Variants in ATP13A5 observed in about 807,000 individuals in gnomAD.
ATP13A5 encodes ATPase 13A5, also known as probable cation-transporting ATPase 13A5.
Under a neutral mutation model 150.2 loss-of-function variants are expected in ATP13A5, and 149 were observed. That is an observed-to-expected ratio of 0.99 (90% CI 0.87 to 1.14). The LOEUF is 1.14. Among genes scored for constraint, ATP13A5 ranks in the 50% most tolerant of loss-of-function variants. The pLI is 0.00. For synonymous variants in ATP13A5, 497 were observed against 522.2 expected, an observed-to-expected ratio of 0.95 and a Z score of 0.66; for missense variants, 1,383 against 1,449.3, an observed-to-expected ratio of 0.95 and a Z score of 0.74.
chr3:193,327,526 G>T (rs1719509296), intron 12 of ATP13A5, among the ~76,000 whole-genome samples: 1 of 152,114 alleles, frequency 6.6e-6, no homozygotes, highest in Non-Finnish European at 1.5e-5. Context: ...CACAGTGACT[G>T]TCCAGATTGA....
chr3:193,281,076 G>A (rs1452010193), intron 27 of ATP13A5: 28 of 441,734 alleles, frequency 6.3e-5, no homozygotes, highest in Non-Finnish European at 8.1e-5. Context: ...TGCTTGGGAA[G>A]GGTATGAGGC....
At chr3:193,286,861 T>C (rs367840990) in intron 26 of ATP13A5, among the ~76,000 whole-genome samples, 3 of 152,160 alleles carry the variant, frequency 2.0e-5, no homozygotes, top group African/African-American at 7.2e-5. Flanking sequence ...CTAGGCCTCT[T>C]GCACCAGTTA....
chr3:193,366,998 G>C lies in ATP13A5; in HGVS notation c.64-2718C>G, dbSNP rs553186867. ...TAAATATTAGGAAATCATTCGAACT[G>C]AATGAAAATGAAAATTGAGAAATAA... On this transcript the variant is annotated intron_variant, in intron 1 of 29. Transcript: ENST00000342358. Among the ~76,000 whole-genome samples, 213 of 152,072 alleles carry C rather than the reference G, an allele frequency of 1.4e-3. 1 individual carries two copies. The highest frequency in any genetic ancestry group is 5.0e-3 in the African/African-American group (207 of 41,540).
intron 1 of ATP13A5, among the ~76,000 whole-genome samples, chr3:193,375,650 G>A (rs35248077): frequency 0.27 from 40,492 of 152,054 alleles, 5,754 homozygotes; most frequent in Non-Finnish European, 0.32. Flanking sequence ...TTGCAGGGCT[G>A]TTGTAAAGTT....
intron 7 of ATP13A5, among the ~76,000 whole-genome samples, chr3:193,348,991 G>T (rs1485837939): frequency 6.6e-6 from 1 of 152,160 alleles, no homozygotes; most frequent in African/African-American, 2.4e-5. Context: ...GTGGTTAGGA[G>T]GCTATAAAAA....
At chr3:193,353,462 T>G (rs1451611090) in intron 6 of ATP13A5, among the ~76,000 whole-genome samples, 3 of 152,240 alleles carry the variant, frequency 2.0e-5, no homozygotes, top group Non-Finnish European at 2.9e-5. Flanking sequence ...TTTCAAATCC[T>G]CAATAATTAT....
chr3:193,327,262 A>G (rs941215665), intron 12 of ATP13A5, among the ~76,000 whole-genome samples: 3 of 152,198 alleles, frequency 2.0e-5, no homozygotes, highest in Non-Finnish European at 2.9e-5. Context: ...GACCATGTCG[A>G]TAATTAGGTG....
chr3:193,363,961 A>AAG, intron 2 of ATP13A5, 146 bp downstream of exon 2: 1 of 893,610 alleles, frequency 1.1e-6, no homozygotes, highest in African/African-American at 1.7e-5. Context: ...ATTTTGCCGT[A>AAG]TTTTCTCCTG....
chr3:193,329,646 T>C (rs957383496), intron 12 of ATP13A5, among the ~76,000 whole-genome samples: 2 of 152,180 alleles, frequency 1.3e-5, no homozygotes, highest in African/African-American at 2.4e-5. Context: ...GGTTCTTGAC[T>C]GGTGGTGATC....
chr3:193,299,027 G>A (rs2108837625), intron 25 of ATP13A5, 104 bp downstream of exon 25: 2 of 865,224 alleles, frequency 2.3e-6, no homozygotes, highest in South Asian at 3.4e-5. Flanking sequence ...ATGAGGTTTT[G>A]GAAATAAGGG....
chr3:193,309,979 C>G lies in ATP13A5; in HGVS notation c.2525+659G>C, dbSNP rs114051204. Reference sequence around the variant, plus strand: ...TTATTTCATCACCCAGGAATTAAGCCCAGTACCCAGTAGTTATTTTTTCTG... The same window carrying G: ...TTATTTCATCACCCAGGAATTAAGCGCAGTACCCAGTAGTTATTTTTTCTG... On this transcript the variant is annotated intron_variant, in intron 21 of 29. Coordinates refer to ENST00000342358, the MANE Select transcript of ATP13A5 (RefSeq NM_198505.4). 6.9e-3 allele frequency among the ~76,000 whole-genome samples: 1,053 copies of G among 152,178 alleles called. 12 individuals carry two copies. The highest frequency in any genetic ancestry group is 0.024 in the African/African-American group (987 of 41,516).
At chr3:193,321,000 T>C (rs1719250148) in intron 16 of ATP13A5, among the ~76,000 whole-genome samples, 1 of 152,190 alleles carries the variant, frequency 6.6e-6, no homozygotes, top group African/African-American at 2.4e-5. Flanking sequence ...TCGATCTGAT[T>C]CTCCCTGGAG....
chr3:193,374,592 C>A (rs1281629648), intron 1 of ATP13A5, among the ~76,000 whole-genome samples: 4 of 148,236 alleles, frequency 2.7e-5, no homozygotes, highest in African/African-American at 1.0e-4. Flanking sequence ...CTGCAGTGAG[C>A]TATGATCACA....
Position 193,362,417 on chromosome 3 carries a change from A to G in ATP13A5, c.500T>C (p.Phe167Ser). The G allele has an allele frequency of 1.2e-6, 2 of 1,614,126 alleles. No individual in the cohort carries two copies. Among genetic ancestry groups the G allele is most frequent in the East Asian group, 2.2e-5 (1 of 44,870 alleles). The change falls in exon 5 of 30, where the codon TTT (phenylalanine) becomes TCT (serine). Residue 167 changes from phenylalanine (F) to serine (S), a missense_variant. Phe to Ser is a radical substitution (Grantham distance 155). This residue lies in a region of ATP13A5 where 787 missense variants were observed against 771.9 expected (regional missense o/e 1.02). Transcript: ENST00000342358. ...CTCTTCACTGGTCAGACCCAATCCA[A>G]ATGTCTGATGGATGTCAGAGCAGGA... ...SNSCSDIHQT[F>S]GLGLTSEEQE...
chr3:193,358,016 G>A (rs1017772837), intron 5 of ATP13A5, among the ~76,000 whole-genome samples: 2 of 152,082 alleles, frequency 1.3e-5, no homozygotes, highest in East Asian at 1.9e-4. Context: ...ATAATGTGTC[G>A]TGTGGTAGCC....
chr3:193,345,097 T>A, intron 7 of ATP13A5, 22 bp from the exon 8 acceptor site: 1 of 1,603,994 alleles, frequency 6.2e-7, no homozygotes, highest in Non-Finnish European at 8.5e-7. Context: ...AAGTTAACAT[T>A]TAAACATTAG....
intron 1 of ATP13A5, among the ~76,000 whole-genome samples, chr3:193,374,640 GACACAC>G (rs113705500): frequency 9.2e-4 from 86 of 93,216 alleles, no homozygotes; most frequent in African/African-American, 2.2e-3. Flanking sequence ...GTAAGACCAT[GACACAC>G]ACACACACAC....
chr3:193,343,371 T>C (rs944728976), intron 9 of ATP13A5, among the ~76,000 whole-genome samples: 1 of 152,184 alleles, frequency 6.6e-6, no homozygotes, highest in Non-Finnish European at 1.5e-5. Context: ...AACTAGAAGA[T>C]TAGTTTCTGC....
At chr3:193,317,207 G>A (rs964490533) in intron 17 of ATP13A5, among the ~76,000 whole-genome samples, 3 of 152,156 alleles carry the variant, frequency 2.0e-5, no homozygotes, top group Admixed American at 1.3e-4. Flanking sequence ...TTTATTAAAT[G>A]TCTGTTAAAA....
Sources: allele counts gnomAD v4.1 joint callset (sites outside exome capture counted in the v4.1 genomes callset), GRCh38; gene constraint gnomAD v4.1.1; regional missense constraint gnomAD v4.1.1; transcripts MANE v1.5; gene names NCBI Gene and HGNC (gene_info 2026-07-23, HGNC 2026-07-21).